The following EPHA6 variants were observed in gnomAD, a reference collection of about 807,000 sequenced individuals.
EPHA6 encodes ephrin type-A receptor 6.
In EPHA6, 50 loss-of-function variants were observed where a neutral mutation model predicts 112.0. The ratio of observed to expected loss-of-function variants is 0.45; its 90% CI spans 0.36 to 0.56. The LOEUF is 0.56. EPHA6 is among the 20% of genes least tolerant of loss of function. EPHA6 has a pLI of 0.00. For synonymous variants in EPHA6, 529 were observed against 490.7 expected (o/e 1.08, Z -1.03); for missense variants, 1,280 against 1,417.4 (o/e 0.90, Z 1.56).
chr3:97,240,237 TA>T (rs1210184510), intron 4 of EPHA6, among the ~76,000 whole-genome samples: 1 of 151,916 alleles, frequency 6.6e-6, no homozygotes, highest in African/African-American at 2.4e-5. Flanking sequence ...AGCATTTACC[TA>T]ACCATCTTTA....
intron 6 of EPHA6, among the ~76,000 whole-genome samples, chr3:97,417,583 G>A (rs1400950824): frequency 6.6e-6 from 1 of 151,990 alleles, no homozygotes; most frequent in Non-Finnish European, 1.5e-5. Flanking sequence ...AAACTTAAGG[G>A]AGAATTTCAA....
chr3:96,923,496 T>G (rs1056077543), intron 2 of EPHA6, among the ~76,000 whole-genome samples: 12 of 152,040 alleles, frequency 7.9e-5, no homozygotes, highest in African/African-American at 2.7e-4. Flanking sequence ...TTTTTTTTCC[T>G]TTAGTTTCTT....
At chr3:97,703,920 A>G (rs1010067938) in intron 14 of EPHA6, among the ~76,000 whole-genome samples, 3 of 151,582 alleles carry the variant, frequency 2.0e-5, no homozygotes, top group Non-Finnish European at 4.4e-5. Context: ...TTCCCAGTAC[A>G]TATATATATA....
rs2036080384 is a variant in EPHA6, at chr3:97,758,589, G to A, written c.*9888G>A. Reference sequence around the variant, plus strand: ...AGCAAAGTCCCTGTCTCATGGAATTGACCTTCTAGTGATAAAGACACACAA... The same window carrying A: ...AGCAAAGTCCCTGTCTCATGGAATTAACCTTCTAGTGATAAAGACACACAA... On this transcript the variant is annotated 3_prime_UTR_variant, in exon 18 of 18. Coordinates refer to ENST00000389672, the MANE Select transcript of EPHA6 (RefSeq NM_001080448.3). Among the ~76,000 whole-genome samples the A allele has an allele frequency of 6.6e-6, 1 of 151,884 alleles. No homozygotes were observed. The highest frequency in any genetic ancestry group is 6.6e-5 in the Admixed American group (1 of 15,230).
chr3:97,243,598 T>G (rs921668980), intron 4 of EPHA6, among the ~76,000 whole-genome samples: 14 of 152,054 alleles, frequency 9.2e-5, no homozygotes, highest in African/African-American at 3.1e-4. Context: ...AATGGTGATA[T>G]AATTAATAAG....
At chr3:97,100,672 C>T (rs533584765) in intron 3 of EPHA6, among the ~76,000 whole-genome samples, 1 of 151,886 alleles carries the variant, frequency 6.6e-6, no homozygotes, top group Non-Finnish European at 1.5e-5. Context: ...ACTGAAGGTA[C>T]GTGTTCCAAA....
At chr3:97,272,297 CGTGTGTGTGTGTGTGTGTGTGTGT>C (rs58790255) in intron 5 of EPHA6, among the ~76,000 whole-genome samples, 1 of 150,246 alleles carries the variant, frequency 6.7e-6, no homozygotes, top group Non-Finnish European at 1.5e-5. Context: ...TATTCCATTT[CGTGTGTGTGTGTGTGTGTGTGTGT>C]GTGTGTGTGT....
chr3:97,042,418 G>A (rs2045349180), intron 3 of EPHA6, among the ~76,000 whole-genome samples: 1 of 152,030 alleles, frequency 6.6e-6, no homozygotes. Context: ...AGAACTGTTA[G>A]CCAATTAAAT....
At chr3:97,223,939 T>A (rs1195269128) in intron 3 of EPHA6, among the ~76,000 whole-genome samples, 1 of 151,928 alleles carries the variant, frequency 6.6e-6, no homozygotes, top group Non-Finnish European at 1.5e-5. Flanking sequence ...CAGTATGGTA[T>A]TCACTAGCCA....
At chr3:96,827,049 A>G (rs9874168) in intron 1 of EPHA6, among the ~76,000 whole-genome samples, 40,599 of 151,982 alleles carry the variant, frequency 0.27, 9,427 homozygotes, top group African/African-American at 0.61. Flanking sequence ...TTTGACACCT[A>G]CCTGGGTGTA....
At chr3:97,152,885 A>G (rs771038416) in intron 3 of EPHA6, among the ~76,000 whole-genome samples, 8 of 152,116 alleles carry the variant, frequency 5.3e-5, no homozygotes, top group Non-Finnish European at 1.0e-4. Flanking sequence ...CTCTTATCCT[A>G]TGAATTCTCT....
chr3:97,484,013 G>C lies in EPHA6; in HGVS notation c.2154G>C (p.Lys718Asn). The change falls in exon 10 of 18, where the codon AAG (lysine) becomes AAC (asparagine). Residue 718 changes from lysine to asparagine, a missense_variant. This residue lies in a region of EPHA6 where 878 missense variants were observed against 999.7 expected (regional missense o/e 0.88). Coordinates refer to ENST00000389672, the MANE Select transcript of EPHA6 (RefSeq NM_001080448.3). ...DPSLAVHEFA[K>N]EIDPSRIRIE... The stretch of plus-strand genomic sequence containing the variant: ...CCCTAGCAGTCCATGAATTTGCAAA[G>C]GAGATTGATCCCTCAAGAATTCGTA... 2 of 1,610,706 alleles carry C rather than the reference G, an allele frequency of 1.2e-6. No individual in the cohort carries two copies. Among genetic ancestry groups the C allele is most frequent in the Non-Finnish European group, 1.7e-6 (2 of 1,178,436 alleles).
chr3:97,059,123 G>T (rs1350706810), intron 3 of EPHA6, among the ~76,000 whole-genome samples: 4 of 152,140 alleles, frequency 2.6e-5, no homozygotes, highest in African/African-American at 9.7e-5. Flanking sequence ...GAAAACTATT[G>T]TTTTCTTGGA....
At chr3:97,191,246 A>AT (rs1305145909) in intron 3 of EPHA6, among the ~76,000 whole-genome samples, 1 of 152,118 alleles carries the variant, frequency 6.6e-6, no homozygotes, top group African/African-American at 2.4e-5. Context: ...ATACAGGCAT[A>AT]TAATGCCTAA....
At chr3:97,072,172 AG>A (rs2108163411) in intron 3 of EPHA6, among the ~76,000 whole-genome samples, 1 of 152,282 alleles carries the variant, frequency 6.6e-6, no homozygotes, top group African/African-American at 2.4e-5. Context: ...AAGTGGATAA[AG>A]AAATATATAT....
chr3:97,127,744 T>G (rs2048222246), intron 3 of EPHA6, among the ~76,000 whole-genome samples: 1 of 151,608 alleles, frequency 6.6e-6, no homozygotes, highest in Non-Finnish European at 1.5e-5. Flanking sequence ...ATGAACTTCC[T>G]GCTTCTCCTG....
intron 15 of EPHA6, among the ~76,000 whole-genome samples, chr3:97,721,159 T>C (rs2034509969): frequency 1.3e-5 from 2 of 152,190 alleles, no homozygotes; most frequent in African/African-American, 4.8e-5. Flanking sequence ...TCTGATACAA[T>C]GGTAATAAGA....
At chr3:96,837,224 G>A (rs1002933048) in intron 1 of EPHA6, among the ~76,000 whole-genome samples, 4 of 152,062 alleles carry the variant, frequency 2.6e-5, no homozygotes, top group East Asian at 1.9e-4. Context: ...TAGATGTCAC[G>A]AGCACAGAGT....
chr3:97,402,428 C>T (rs1371664260), intron 5 of EPHA6, among the ~76,000 whole-genome samples: 1 of 152,062 alleles, frequency 6.6e-6, no homozygotes, highest in East Asian at 1.9e-4. Flanking sequence ...GACATAAACT[C>T]TATTTTACCT....
Sources: gnomAD v4.1 joint callset for allele counts (sites outside exome capture counted in the v4.1 genomes callset) on GRCh38, gnomAD v4.1.1 for gene constraint, gnomAD v4.1.1 regional missense constraint, MANE v1.5 for transcripts, NCBI Gene and HGNC (gene_info 2026-07-23, HGNC 2026-07-21) for gene names.